The following ATXN7 variants were observed in gnomAD, a reference collection of about 807,000 sequenced individuals.
ATXN7 encodes the protein ataxin-7.
Under a neutral mutation model 70.5 loss-of-function variants are expected in ATXN7, and 12 were observed. The ratio of observed to expected loss-of-function variants is 0.17; its 90% CI spans 0.11 to 0.28. The LOEUF is 0.28. Ranked by LOEUF, ATXN7 falls within the 10% of genes least tolerant of loss-of-function variation. ATXN7 has a pLI of 1.00. For missense variants in ATXN7, 1,256 were observed against 1,131.7 expected (o/e 1.11, Z -1.58); for synonymous variants, 498 against 448.7 (o/e 1.11, Z -1.39).
intron 4 of ATXN7, among the ~76,000 whole-genome samples, chr3:63,947,270 T>C (rs530010826): frequency 2.0e-5 from 3 of 152,248 alleles, no homozygotes; most frequent in African/African-American, 7.2e-5. Flanking sequence ...GTAGGTACTA[T>C]GGTCATCACG....
chr3:63,918,353 A>C (rs1447421800), intron 4 of ATXN7, among the ~76,000 whole-genome samples: 3 of 152,336 alleles, frequency 2.0e-5, no homozygotes, highest in Admixed American at 6.5e-5. Flanking sequence ...AAGGTACTAC[A>C]TTGTGGGTAT....
At chr3:63,897,120 A>G (rs1229770714) in intron 1 of ATXN7, among the ~76,000 whole-genome samples, 3 of 152,234 alleles carry the variant, frequency 2.0e-5, no homozygotes, top group African/African-American at 4.8e-5. Context: ...TTGCACAGCT[A>G]TAAAGTATTT....
At chr3:63,879,826 G>A in intron 1 of ATXN7, among the ~76,000 whole-genome samples, 1 of 152,144 alleles carries the variant, frequency 6.6e-6, no homozygotes, top group South Asian at 2.1e-4. Context: ...GCTCATGTCT[G>A]TAATCCTAGC....
chr3:63,975,612 C>A (rs1291403089), intron 5 of ATXN7, among the ~76,000 whole-genome samples: 1 of 152,088 alleles, frequency 6.6e-6, no homozygotes. Flanking sequence ...ATAAAAAGAT[C>A]TAATTATTTG....
At chr3:63,874,662 A>C (rs941837126) in intron 1 of ATXN7, among the ~76,000 whole-genome samples, 2 of 152,146 alleles carry the variant, frequency 1.3e-5, no homozygotes, top group East Asian at 3.9e-4. Flanking sequence ...TGCCTTATTG[A>C]GGGTGGTTCT....
Position 63,952,835 on chromosome 3 carries a change from CTTTTTTTTTTTTTTTTTT to C in ATXN7, c.499+366_499+383del, listed in dbSNP as rs59256288. On this transcript the variant is annotated intron_variant, in intron 5 of 12. Coordinates refer to ENST00000674280, the MANE Select transcript of ATXN7 (RefSeq NM_001377405.1). ...ACACTCACAATATGGATGCATGGGC[CTTTTTTTTTTTTTTTTTT>C]TTTTTTTTTTTTTAAGGAAATGTGA... 2.6e-4 allele frequency among the ~76,000 whole-genome samples: 13 copies of C among 49,166 alleles called. No homozygotes were observed. The South Asian group carries it at 7.2e-3, about 27-fold the overall frequency. The allele number at this position is 49,166 out of a possible 152,430, so 32.3% of individuals were successfully genotyped here. A position where few individuals can be genotyped will look rare whatever the true frequency, so the allele number is the denominator to read the frequency against.
intron 5 of ATXN7, among the ~76,000 whole-genome samples, chr3:63,963,572 T>A (rs747828426): frequency 2.6e-5 from 4 of 152,194 alleles, no homozygotes; most frequent in Non-Finnish European, 4.4e-5. Context: ...ATTTTATTAG[T>A]AGGGGCTTTT....
chr3:63,865,850 C>G, intron 1 of ATXN7, among the ~76,000 whole-genome samples: 1 of 141,350 alleles, frequency 7.1e-6, no homozygotes, highest in East Asian at 2.0e-4. Flanking sequence ...AGCCCAGATC[C>G]CGCCACTGCA....
Position 63,913,245 on chromosome 3 carries a change from T to TG in ATXN7, c.394+22dup, listed in dbSNP as rs1704130158. Reference sequence around the variant, plus strand: ...GGGAAGGTGAGTCCAGCCCCCCTGATGGAGTTTGTACAAACCCCTGGGAAG... The same window carrying TG: ...GGGAAGGTGAGTCCAGCCCCCCTGATGGGAGTTTGTACAAACCCCTGGGAAG... On this transcript the variant is annotated intron_variant, in intron 4 of 12. Coordinates refer to ENST00000674280, the MANE Select transcript of ATXN7 (RefSeq NM_001377405.1). The TG allele has an allele frequency of 6.2e-7, 1 of 1,611,154 alleles. No individual in the cohort carries two copies. The highest frequency in any genetic ancestry group is 1.7e-5 in the Admixed American group (1 of 59,918).
chr3:63,866,055 CT>C (rs1179286467), intron 1 of ATXN7, among the ~76,000 whole-genome samples: 2 of 152,008 alleles, frequency 1.3e-5, no homozygotes, highest in East Asian at 1.9e-4. Flanking sequence ...TCACTGCCCC[CT>C]GTAACTTAAA....
chr3:63,990,507 A>G (rs887879588), intron 10 of ATXN7, 133 bp downstream of exon 10: 8 of 1,250,544 alleles, frequency 6.4e-6, no homozygotes, highest in South Asian at 2.8e-5. Context: ...AGTTCAAAAC[A>G]GGGTGCCCCA....
At chr3:63,991,921 A>G (rs1005241817) in intron 11 of ATXN7, among the ~76,000 whole-genome samples, 2 of 152,166 alleles carry the variant, frequency 1.3e-5, no homozygotes, top group Non-Finnish European at 2.9e-5. Context: ...CACGTCATGT[A>G]TAATGTGGAA....
At chr3:63,915,707 G>A (rs1310427328) in intron 4 of ATXN7, among the ~76,000 whole-genome samples, 1 of 148,758 alleles carries the variant, frequency 6.7e-6, no homozygotes, top group Admixed American at 6.7e-5. Flanking sequence ...TTTTTGAGAC[G>A]GTGTCTGACT....
Position 63,980,176 on chromosome 3 carries a change from G to A in ATXN7, c.752+9G>A. 6.2e-7 allele frequency: 1 copy of A among 1,613,780 alleles called. No individual in the cohort carries two copies. The highest frequency in any genetic ancestry group is 1.1e-5 in the South Asian group (1 of 91,078). Reference sequence around the variant, plus strand: ...GTTCCCCATGGTAGAATGTGAGTATGGCCAAGAGGGTTTTTAAAGCTTACC... The same window carrying A: ...GTTCCCCATGGTAGAATGTGAGTATAGCCAAGAGGGTTTTTAAAGCTTACC... On this transcript the variant is annotated intron_variant, in intron 6 of 12. Coordinates refer to ENST00000674280, the MANE Select transcript of ATXN7 (RefSeq NM_001377405.1).
chr3:63,996,000 T>C lies in ATXN7; in HGVS notation c.2178T>C (p.Ser726=), dbSNP rs61736567. ...CCTCCTCCTCTTCCTCCTCCTCCTC[T>C]TCTTCTCATTCCATGGAGTCTTTTA... ...HSSSSSSSSS[S]SSHSMESFRK... The change falls in exon 12 of 13, where the codon TCT becomes TCC. Residue 726 remains serine, a synonymous_variant. Transcript: ENST00000674280. 0.029 allele frequency: 47,550 copies of C among 1,614,078 alleles called. 761 individuals carry two copies. The highest frequency in any genetic ancestry group is 0.035 in the Non-Finnish European group (41,098 of 1,179,992).
chr3:63,873,232 C>T (rs1702648435), intron 1 of ATXN7, among the ~76,000 whole-genome samples: 1 of 152,152 alleles, frequency 6.6e-6, no homozygotes, highest in Admixed American at 6.6e-5. Context: ...AGCCAGAGAT[C>T]TTTGGTTGTA....
intron 4 of ATXN7, among the ~76,000 whole-genome samples, chr3:63,926,832 C>T (rs568326397): frequency 6.6e-6 from 1 of 152,140 alleles, no homozygotes; most frequent in East Asian, 1.9e-4. Flanking sequence ...CAATGCCCAA[C>T]AGGCTCCAGT....
At chr3:63,910,395 C>G (rs1703971167) in intron 2 of ATXN7, among the ~76,000 whole-genome samples, 1 of 152,154 alleles carries the variant, frequency 6.6e-6, no homozygotes, top group Non-Finnish European at 1.5e-5. Context: ...CTTCAAATGC[C>G]GTTAAAATCC....
chr3:63,982,902 T>A lies in ATXN7; in HGVS notation c.1013-37T>A, dbSNP rs73834164. 9.9e-4 allele frequency: 1,508 copies of A among 1,517,834 alleles called. 9 individuals are homozygous for A. The African/African-American group carries it at 0.018, about 19-fold the overall frequency. 94.0% of individuals were successfully genotyped at this position (1,517,834 alleles called of 1,614,324 possible). A position where few individuals can be genotyped will look rare whatever the true frequency, so the allele number is the denominator to read the frequency against. ...CTTAAAAAATACATGGAGGAGAGTT[T>A]GTCAGGCCACATGTAATGCCTGTGT... On this transcript the variant is annotated intron_variant, in intron 7 of 12. Coordinates refer to ENST00000674280, the MANE Select transcript of ATXN7 (RefSeq NM_001377405.1).
Sources: allele counts gnomAD v4.1 joint callset (sites outside exome capture counted in the v4.1 genomes callset), GRCh38; gene constraint gnomAD v4.1.1; transcripts MANE v1.5; gene names NCBI Gene and HGNC (gene_info 2026-07-23, HGNC 2026-07-21).